Variants in STPG2 observed in about 807,000 individuals in gnomAD.
STPG2 encodes the protein sperm tail PG-rich repeat containing 2, also known as sperm-tail PG-rich repeat-containing protein 2.
Under a neutral mutation model 54.2 loss-of-function variants are expected in STPG2, and 56 were observed. The observed-to-expected ratio is 1.03, with a 90% CI of 0.83 to 1.29. STPG2 has a LOEUF of 1.29. STPG2 is among the 50% of genes most tolerant of loss of function. The pLI, the probability that STPG2 is intolerant of heterozygous loss-of-function variation, is 0.00. For missense variants in STPG2, 596 were observed against 544.9 expected (o/e 1.09, Z -0.93); for synonymous variants, 200 against 181.8 (o/e 1.10, Z -0.81).
chr4:97,902,659 G>C (rs1731223883), intron 8 of STPG2, among the ~76,000 whole-genome samples: 1 of 152,086 alleles, frequency 6.6e-6, no homozygotes, highest in Non-Finnish European at 1.5e-5. Flanking sequence ...GTGTAGCTGA[G>C]GATGTGTAGA....
At chr4:97,902,004 C>A (rs967095379) in intron 8 of STPG2, among the ~76,000 whole-genome samples, 2 of 151,942 alleles carry the variant, frequency 1.3e-5, no homozygotes, top group African/African-American at 4.8e-5. Context: ...TAAACCCACA[C>A]ATATACTATC....
intron 5 of STPG2, among the ~76,000 whole-genome samples, chr4:98,003,488 T>C (rs543496605): frequency 6.6e-6 from 1 of 152,194 alleles, no homozygotes; most frequent in East Asian, 1.9e-4. Context: ...GTTTGATTGT[T>C]TTAAAAAATC....
rs747525997 is a variant in STPG2 at position 98,143,122 on chromosome 4, T to G, written c.29A>C (p.Lys10Thr). 1.9e-6 allele frequency: 3 copies of G among 1,613,876 alleles called. No homozygotes were observed. Among genetic ancestry groups the G allele is most frequent in the East Asian group, 2.2e-5 (1 of 44,854 alleles). ...CTCAGTGCTGCCACCTTCAGCCAAT[T>G]TGAGCAGGCGGGGAGCCCGATCATA... MYDRAPRLL[K>T]LAEGGSTEAH... The change falls in exon 1 of 11, where the codon AAA (lysine) becomes ACA (threonine). Residue 10 changes from lysine to threonine, a missense_variant. Lys to Thr is a moderately conservative substitution (Grantham distance 78, BLOSUM62 -1). Transcript: ENST00000295268.
intron 6 of STPG2, 48 bp downstream of exon 6, chr4:97,981,111 G>C: frequency 6.3e-7 from 1 of 1,576,156 alleles, no homozygotes; most frequent in Non-Finnish European, 8.6e-7. Flanking sequence ...AGAACATTAA[G>C]TTTCTTTATA....
intron 6 of STPG2, among the ~76,000 whole-genome samples, chr4:97,977,342 T>A (rs1734532438): frequency 6.6e-6 from 1 of 152,194 alleles, no homozygotes; most frequent in East Asian, 1.9e-4. Flanking sequence ...AATGTTATAA[T>A]CCTATTAAAT....
At chr4:98,043,135 A>C (rs1028044840) in intron 5 of STPG2, among the ~76,000 whole-genome samples, 1 of 152,066 alleles carries the variant, frequency 6.6e-6, no homozygotes, top group Non-Finnish European at 1.5e-5. Flanking sequence ...CTTTTCTAAC[A>C]TAACTACAGC....
chr4:97,777,291 T>C (rs1313462435), intron 9 of STPG2, among the ~76,000 whole-genome samples: 3 of 152,096 alleles, frequency 2.0e-5, no homozygotes, highest in Non-Finnish European at 4.4e-5. Context: ...GTCAGTTTTT[T>C]CTCTGTCGAT....
intron 8 of STPG2, among the ~76,000 whole-genome samples, chr4:97,895,470 A>G (rs1385881045): frequency 3.3e-5 from 5 of 151,900 alleles, no homozygotes; most frequent in African/African-American, 1.2e-4. Flanking sequence ...GTCCTTTTAT[A>G]AAGTCATAAT....
At chr4:97,490,603 G>T (rs922008432) in intron 4 of STPG2, among the ~76,000 whole-genome samples, 2 of 151,486 alleles carry the variant, frequency 1.3e-5, no homozygotes, top group South Asian at 4.1e-4. Context: ...GTACCTCCTG[G>T]TTTCACTGTT....
chr4:97,836,854 AATG>A lies in STPG2; in HGVS notation c.1204+3916_1204+3918del, dbSNP rs746224222. Among the ~76,000 whole-genome samples the A allele has an allele frequency of 5.4e-5, 8 of 149,252 alleles. No homozygotes were observed. In the South Asian group the frequency reaches 6.3e-4, roughly 12 times the overall value. On this transcript the variant is annotated intron_variant, in intron 9 of 10. Coordinates refer to ENST00000295268, the MANE Select transcript of STPG2 (RefSeq NM_174952.3). ...TAATATTAACAATATTTAATTAATA[AATG>A]ATAATTAATAACAATAAATTAATAT...
intron 4 of STPG2, among the ~76,000 whole-genome samples, chr4:97,550,175 A>T (rs1350585973): frequency 6.6e-6 from 1 of 152,184 alleles, no homozygotes; most frequent in Admixed American, 6.5e-5. Context: ...AAATGAAAAG[A>T]TGTGTACGAA....
At chr4:97,480,384 G>A (rs551827731) in intron 4 of STPG2, among the ~76,000 whole-genome samples, 41 of 151,562 alleles carry the variant, frequency 2.7e-4, no homozygotes, top group Admixed American at 1.8e-3. Context: ...TTTATCAGAC[G>A]TGTAATAGAA....
rs569718042 is a variant in STPG2, at chr4:97,628,079, C to T, written c.1321-68962G>A. 6.6e-5 allele frequency among the ~76,000 whole-genome samples: 10 copies of T among 152,278 alleles called. No homozygotes were observed. The South Asian group carries it at 1.4e-3, about 22-fold the overall frequency. On this transcript the variant is annotated intron_variant, in intron 10 of 10. Transcript: ENST00000295268. ...GCCAGAAACACTATTATAGACACATCAGAAATAATGTTTAATCTGGGCACC... is the reference window on the plus strand; with the variant it reads ...GCCAGAAACACTATTATAGACACATTAGAAATAATGTTTAATCTGGGCACC...
chr4:97,694,812 C>CAAAAAAAAAAAAAAAAAA (rs70953083), intron 10 of STPG2, among the ~76,000 whole-genome samples: 1 of 44,032 alleles, frequency 2.3e-5, no homozygotes, highest in Non-Finnish European at 4.3e-5. Flanking sequence ...GACTCTGTCA[C>CAAAAAAAAAAAAAAAAAA]AAAAAAAAAA....
At chr4:97,504,085 T>G (rs1730794067) in intron 4 of STPG2, among the ~76,000 whole-genome samples, 1 of 145,646 alleles carries the variant, frequency 6.9e-6, no homozygotes, top group Admixed American at 6.9e-5. Flanking sequence ...AAATATTTAT[T>G]TTATTTAATA....
At chr4:97,626,775 T>C (rs1324291790) in intron 10 of STPG2, among the ~76,000 whole-genome samples, 1 of 152,114 alleles carries the variant, frequency 6.6e-6, no homozygotes, top group Non-Finnish European at 1.5e-5. Flanking sequence ...TTGTGTTAGA[T>C]TTATTTCTAT....
intron 5 of STPG2, among the ~76,000 whole-genome samples, chr4:98,087,646 C>T (rs1738563353): frequency 4.0e-5 from 6 of 151,010 alleles, no homozygotes; most frequent in South Asian, 4.2e-4. Context: ...CTGCAAGCTC[C>T]GCCTCCCGGG....
intron 5 of STPG2, among the ~76,000 whole-genome samples, chr4:98,017,504 C>A (rs570562935): frequency 4.1e-4 from 63 of 152,188 alleles, no homozygotes; most frequent in Non-Finnish European, 7.6e-4. Flanking sequence ...TCTGCACTAT[C>A]CTGCTCAGGT....
At chr4:97,838,479 T>C (rs543246237) in intron 9 of STPG2, among the ~76,000 whole-genome samples, 1 of 151,022 alleles carries the variant, frequency 6.6e-6, no homozygotes, top group Non-Finnish European at 1.5e-5. Flanking sequence ...AATATTAATA[T>C]GTATATATTA....
Sources: gnomAD v4.1 joint callset for allele counts (sites outside exome capture counted in the v4.1 genomes callset) on GRCh38, gnomAD v4.1.1 for gene constraint, MANE v1.5 for transcripts, NCBI Gene and HGNC (gene_info 2026-07-23, HGNC 2026-07-21) for gene names.